The following TSPAN7 variants were observed in gnomAD, a reference collection of about 807,000 sequenced individuals.
TSPAN7 encodes the protein tetraspanin-7.
A neutral mutation model predicts 17.6 loss-of-function variants in TSPAN7; 1 was observed. The observed-to-expected ratio is 0.06, with a 90% CI of 0.02 to 0.27. The LOEUF is 0.27. Ranked by LOEUF, TSPAN7 falls within the 10% of genes least tolerant of loss-of-function variation. The probability of loss-of-function intolerance (pLI) is 1.00; values close to 1 mark genes in which losing one functional copy is unlikely to be tolerated. For synonymous variants in TSPAN7, 78 were observed against 79.0 expected, an observed-to-expected ratio of 0.99 and a Z score of 0.07; for missense variants, 112 against 201.7, an observed-to-expected ratio of 0.56 and a Z score of 2.69.
At chrX:38,588,483 C>T (rs1184703826) in intron 1 of TSPAN7, among the ~76,000 whole-genome samples, 1 of 111,524 alleles carries the variant, frequency 9.0e-6, no homozygotes, top group Non-Finnish European at 1.9e-5. Context: ...AGAATGTACC[C>T]ACAAATTTAA....
chrX:38,658,427 G>A (rs1452514463), intron 1 of TSPAN7, among the ~76,000 whole-genome samples: 5 of 109,752 alleles, frequency 4.6e-5, no homozygotes, highest in African/African-American at 1.3e-4. Context: ...TGATCCTCCC[G>A]CCTTGGCCTC....
At chrX:38,566,317 T>C in intron 1 of TSPAN7, 1 of 954,991 alleles carries the variant, frequency 1.0e-6, no homozygotes, top group Non-Finnish European at 1.3e-6. Flanking sequence ...ATGTTTTATT[T>C]TCAGGTCTAT....
intron 4 of TSPAN7, among the ~76,000 whole-genome samples, chrX:38,675,476 TAA>T (rs1357206314): frequency 8.9e-6 from 1 of 111,777 alleles, no homozygotes; most frequent in Non-Finnish European, 1.9e-5. Flanking sequence ...GTGGAGGTAA[TAA>T]GAAAGCCAAT....
In TSPAN7 at chrX:38,637,065, C is replaced by G. The variant is rs192053707; in HGVS notation, c.82-29056C>G. Among the ~76,000 whole-genome samples the G allele has an allele frequency of 4.0e-4, 45 of 111,527 alleles. No individual in the cohort carries two copies. In the East Asian group the frequency reaches 0.011, roughly 27 times the overall value. ...AGCACACGACTATGTAAGAAATAAC[C>G]CCTTCATAATTGAGGCTCATTGTTA... is the stretch of plus-strand genomic sequence containing the variant. On this transcript the variant is annotated intron_variant, in intron 1 of 7. Transcript: ENST00000378482.
intron 1 of TSPAN7, among the ~76,000 whole-genome samples, chrX:38,604,005 A>C: frequency 1.2e-5 from 1 of 83,386 alleles, no homozygotes; most frequent in Non-Finnish European, 2.3e-5. Context: ...TATATCTCCT[A>C]ATGCTATCCC....
In TSPAN7 at chrX:38,561,545, G is replaced by A; in HGVS notation, c.-2G>A. On this transcript the variant is annotated 5_prime_UTR_variant, in exon 1 of 8. Transcript: ENST00000378482. ...CCGCCGCCGCCGCCGGAGCTCTGTA[G>A]TATGGCATCGAGGAGAATGGAGACC... 8.4e-7 allele frequency: 1 copy of A among 1,186,712 alleles called. No homozygotes were observed. Among genetic ancestry groups the A allele is most frequent in the Non-Finnish European group, 1.1e-6 (1 of 881,427 alleles).
chrX:38,588,252 GTCC>G (rs755661959), intron 1 of TSPAN7, among the ~76,000 whole-genome samples: 4 of 111,132 alleles, frequency 3.6e-5, no homozygotes, highest in Non-Finnish European at 7.5e-5. Context: ...CTTGATTTGT[GTCC>G]TCATCATTGT....
At chrX:38,656,908 A>T (rs1317583033) in intron 1 of TSPAN7, among the ~76,000 whole-genome samples, 1 of 112,304 alleles carries the variant, frequency 8.9e-6, no homozygotes, top group Non-Finnish European at 1.9e-5. Context: ...AATAATGCCA[A>T]GAGGCTCAGA....
chrX:38,681,249 A>G lies in TSPAN7; in HGVS notation c.643A>G (p.Ile215Val). The G allele has an allele frequency of 8.3e-7, 1 of 1,210,736 alleles. No homozygotes were observed. The highest frequency in any genetic ancestry group is 1.1e-6 in the Non-Finnish European group (1 of 894,817). The change falls in exon 6 of 8, where the codon ATC becomes GTC. Residue 215 changes from isoleucine (I) to valine (V), a missense_variant. By Grantham distance (29) the Ile-to-Val change is conservative (BLOSUM62 3). Coordinates refer to ENST00000378482, the MANE Select transcript of TSPAN7 (RefSeq NM_004615.4). ...VTSFMETNMG[I>V]IAGVAFGIAF... ...TAGTTTCATGGAGACTAACATGGGA[A>G]TCATCGCTGGAGTGGCGTTTGGAAT...
At chrX:38,640,617 C>T (rs1265226034) in intron 1 of TSPAN7, among the ~76,000 whole-genome samples, 2 of 112,422 alleles carry the variant, frequency 1.8e-5, no homozygotes, top group Non-Finnish European at 3.8e-5. Flanking sequence ...CTTCCCTTGC[C>T]AAAGCTGACT....
chrX:38,566,114 C>T (rs1016165724), intron 1 of TSPAN7, among the ~76,000 whole-genome samples: 3 of 112,079 alleles, frequency 2.7e-5, no homozygotes, highest in East Asian at 2.8e-4. Flanking sequence ...TTGGAACCAC[C>T]GTAGCAGAGC....
At chrX:38,686,866 T>C (rs371411850) in intron 6 of TSPAN7, among the ~76,000 whole-genome samples, 1 of 111,881 alleles carries the variant, frequency 8.9e-6, no homozygotes, top group East Asian at 2.8e-4. Context: ...TAGAATCTTC[T>C]GAGGAGGTGG....
chrX:38,644,506 T>G (rs2069633824), intron 1 of TSPAN7, among the ~76,000 whole-genome samples: 1 of 112,147 alleles, frequency 8.9e-6, no homozygotes, highest in Non-Finnish European at 1.9e-5. Flanking sequence ...CTGATAAGGC[T>G]GACCTTGTTC....
At chrX:38,686,591 T>G (rs766300753) in intron 6 of TSPAN7, among the ~76,000 whole-genome samples, 2 of 111,933 alleles carry the variant, frequency 1.8e-5, no homozygotes, top group South Asian at 7.5e-4. Flanking sequence ...TGAAACAGTT[T>G]ATTCCCACCT....
At chrX:38,620,111 G>A (rs1327288449) in intron 1 of TSPAN7, among the ~76,000 whole-genome samples, 1 of 111,549 alleles carries the variant, frequency 9.0e-6, no homozygotes, top group Non-Finnish European at 1.9e-5. Flanking sequence ...AAGAAGTGGT[G>A]GGACATGGAG....
chrX:38,569,413 A>G (rs1049373050), intron 1 of TSPAN7, among the ~76,000 whole-genome samples: 1 of 104,267 alleles, frequency 9.6e-6, no homozygotes, highest in Admixed American at 1.1e-4. Context: ...CAGTTCAGGG[A>G]CCATCTCTTT....
intron 1 of TSPAN7, among the ~76,000 whole-genome samples, chrX:38,621,729 G>A (rs200306044): frequency 6.3e-5 from 2 of 31,858 alleles, no homozygotes; most frequent in African/African-American, 8.9e-4. Flanking sequence ...TATTACATTC[G>A]TGATCTTTCA....
intron 1 of TSPAN7, among the ~76,000 whole-genome samples, chrX:38,579,136 A>G (rs1221787445): frequency 9.0e-6 from 1 of 111,561 alleles, no homozygotes; most frequent in Non-Finnish European, 1.9e-5. Flanking sequence ...AATGAAGAGA[A>G]CCGTTAATTC....
chrX:38,624,230 A>G, intron 1 of TSPAN7, among the ~76,000 whole-genome samples: 1 of 111,084 alleles, frequency 9.0e-6, no homozygotes, highest in Non-Finnish European at 1.9e-5. Flanking sequence ...CATTGCTGTT[A>G]TATACCTAGT....
Sources: allele counts gnomAD v4.1 joint callset (sites outside exome capture counted in the v4.1 genomes callset), GRCh38; gene constraint gnomAD v4.1.1; transcripts MANE v1.5; gene names NCBI Gene and HGNC (gene_info 2026-07-23, HGNC 2026-07-21).